The following EPDR1 variants were observed in gnomAD, a reference collection of about 807,000 sequenced individuals.
EPDR1 encodes the protein ependymin related 1, also known as mammalian ependymin-related protein 1.
A neutral mutation model predicts 23.7 loss-of-function variants in EPDR1; 27 were observed. The ratio of observed to expected loss-of-function variants is 1.14; its 90% CI spans 0.84 to 1.57. EPDR1 has a LOEUF of 1.57. EPDR1 is among the 40% of genes most tolerant of loss of function. The pLI is 0.00. For missense variants in EPDR1, 349 were observed against 290.4 expected (o/e 1.20, Z -1.47); for synonymous variants, 137 against 118.2 (o/e 1.16, Z -1.03).
chr7:37,929,386 C>A (rs998847400), intron 1 of EPDR1, among the ~76,000 whole-genome samples: 1 of 152,164 alleles, frequency 6.6e-6, no homozygotes, highest in African/African-American at 2.4e-5. Context: ...CTATGTGGGA[C>A]CTAAACGAAT....
At chr7:37,923,552 A>G (rs1236975985) in intron 1 of EPDR1, among the ~76,000 whole-genome samples, 1 of 152,172 alleles carries the variant, frequency 6.6e-6, no homozygotes, top group East Asian at 1.9e-4. Context: ...AGACTTGTAC[A>G]GTAGTGGCGC....
In EPDR1 at chr7:37,950,292, T is replaced by G. The variant is rs1166725906; in HGVS notation, c.571T>G (p.Phe191Val). 1.2e-6 allele frequency: 2 copies of G among 1,613,740 alleles called. No individual in the cohort carries two copies. Among genetic ancestry groups the G allele is most frequent in the African/African-American group, 2.7e-5 (2 of 74,866 alleles). Reference sequence around the variant, plus strand: ...CTACAGTGTGATATTGTCTACGCGGTTTTTTGACATCCAGCTGGGTATTAA... The same window carrying G: ...CTACAGTGTGATATTGTCTACGCGGGTTTTTGACATCCAGCTGGGTATTAA... ...INYSVILSTR[F>V]FDIQLGIKDP... Residue 191 changes from phenylalanine (F) to valine (V), a missense_variant, in exon 3 of 3, where the codon TTT becomes GTT. Coordinates refer to ENST00000199448, the MANE Select transcript of EPDR1 (RefSeq NM_017549.5).
intron 1 of EPDR1, 104 bp from the exon 2 acceptor site, chr7:37,948,736 C>A: frequency 2.4e-6 from 2 of 828,414 alleles, no homozygotes; most frequent in Non-Finnish European, 3.9e-6. Context: ...CTAGTAATTT[C>A]TTTCTATTTT....
At position 37,936,039 on chromosome 7, in the gene EPDR1, T is replaced by TATAC. The variant is rs57925993; in HGVS notation, c.270-12800_270-12799insTACA. On this transcript the variant is annotated intron_variant, in intron 1 of 2. Transcript: ENST00000199448. ...ATATATATATATATATATATATATA[T>TATAC]ACACAAGGGAAATGTGAATCTGTTA... 3.1e-4 allele frequency among the ~76,000 whole-genome samples: 25 copies of TATAC among 80,942 alleles called. 1 individual carries two copies. The highest frequency in any genetic ancestry group is 4.5e-4 in the Admixed American group (3 of 6,720). The allele number at this position is 80,942 out of a possible 152,430, so 53.1% of individuals were successfully genotyped here.
At chr7:37,939,409 A>G (rs1209958085) in intron 1 of EPDR1, among the ~76,000 whole-genome samples, 1 of 152,182 alleles carries the variant, frequency 6.6e-6, no homozygotes, top group Admixed American at 6.5e-5. Context: ...GACTTCTTTC[A>G]AGCAATGTCA....
chr7:37,926,251 T>C (rs1483087439), intron 1 of EPDR1, among the ~76,000 whole-genome samples: 1 of 152,188 alleles, frequency 6.6e-6, no homozygotes, highest in Admixed American at 6.5e-5. Flanking sequence ...GTTGCAATTA[T>C]AATACAAAGA....
At chr7:37,930,707 C>T (rs773078197) in intron 1 of EPDR1, among the ~76,000 whole-genome samples, 3 of 152,200 alleles carry the variant, frequency 2.0e-5, no homozygotes, top group Non-Finnish European at 4.4e-5. Flanking sequence ...GCTTGGGAAT[C>T]CACTTCTCGG....
chr7:37,946,869 A>G (rs1786287364), intron 1 of EPDR1, among the ~76,000 whole-genome samples: 1 of 152,146 alleles, frequency 6.6e-6, no homozygotes, highest in East Asian at 1.9e-4. Flanking sequence ...ATATTTTTGT[A>G]TAGCTGTGCA....
At chr7:37,928,793 A>G (rs186450855) in intron 1 of EPDR1, among the ~76,000 whole-genome samples, 433 of 151,902 alleles carry the variant, frequency 2.9e-3, no homozygotes, top group African/African-American at 9.8e-3. Flanking sequence ...TTATGTTCCT[A>G]CCTATACCCT....
At chr7:37,949,263 C>T (rs879372464) in intron 2 of EPDR1, among the ~76,000 whole-genome samples, 1 of 152,212 alleles carries the variant, frequency 6.6e-6, no homozygotes, top group Non-Finnish European at 1.5e-5. Context: ...CCACCTGCAC[C>T]TCTCTGCCAC....
intron 1 of EPDR1, among the ~76,000 whole-genome samples, chr7:37,933,219 G>T (rs541656898): frequency 9.2e-5 from 14 of 152,204 alleles, no homozygotes; most frequent in Non-Finnish European, 1.9e-4. Context: ...CAGATGGCCG[G>T]CATGCATTAC....
chr7:37,920,936 C>T lies in EPDR1; in HGVS notation c.-4C>T, dbSNP rs374731994. On this transcript the variant is annotated 5_prime_UTR_variant, in exon 1 of 3. Coordinates refer to ENST00000199448, the MANE Select transcript of EPDR1 (RefSeq NM_017549.5). The stretch of plus-strand genomic sequence containing the variant: ...TGCCCTCGGGCCGGGGAAGGCTGAC[C>T]GCGATGCCAGGACGCGCTCCCCTCC... 12 of 1,608,258 alleles carry T rather than the reference C, an allele frequency of 7.5e-6. 1 individual carries two copies. In the South Asian group the frequency reaches 1.2e-4, roughly 16 times the overall value.
chr7:37,945,612 G>A (rs754876877), intron 1 of EPDR1, among the ~76,000 whole-genome samples: 1 of 152,154 alleles, frequency 6.6e-6, no homozygotes, highest in Non-Finnish European at 1.5e-5. Flanking sequence ...ATGTGGTAGC[G>A]CAGTGCATTA....
At chr7:37,945,340 C>T (rs1786252425) in intron 1 of EPDR1, among the ~76,000 whole-genome samples, 1 of 152,192 alleles carries the variant, frequency 6.6e-6, no homozygotes, top group African/African-American at 2.4e-5. Context: ...TATTCATTCT[C>T]ATTTCTAAAG....
intron 1 of EPDR1, among the ~76,000 whole-genome samples, chr7:37,927,982 CA>C (rs1198358963): frequency 6.6e-6 from 1 of 152,084 alleles, no homozygotes; most frequent in East Asian, 1.9e-4. Flanking sequence ...TGGAAGCACA[CA>C]AAGTTTGATT....
At chr7:37,941,521 C>A (rs1038232277) in intron 1 of EPDR1, among the ~76,000 whole-genome samples, 1 of 152,160 alleles carries the variant, frequency 6.6e-6, no homozygotes, top group Non-Finnish European at 1.5e-5. Context: ...GAACTCAAAT[C>A]GAAAAGAGCC....
In EPDR1 at chr7:37,920,821, G is replaced by T; in HGVS notation, c.-119G>T. On this transcript the variant is annotated 5_prime_UTR_variant, in exon 1 of 3. Coordinates refer to ENST00000199448, the MANE Select transcript of EPDR1 (RefSeq NM_017549.5). ...CCACCGAAGGGACAGGAAGCACTTT[G>T]GTCCAGACCACACTCCCGGCACAGT... The T allele has an allele frequency of 6.2e-7, 1 of 1,610,486 alleles. No individual in the cohort carries two copies. The highest frequency in any genetic ancestry group is 8.5e-7 in the Non-Finnish European group (1 of 1,178,430).
intron 1 of EPDR1, among the ~76,000 whole-genome samples, chr7:37,937,694 G>A (rs1786081958): frequency 6.6e-6 from 1 of 152,148 alleles, no homozygotes; most frequent in Non-Finnish European, 1.5e-5. Flanking sequence ...TTTGATCTGT[G>A]CTGGAGATAC....
chr7:37,935,770 T>C (rs974750872), intron 1 of EPDR1, among the ~76,000 whole-genome samples: 5 of 151,406 alleles, frequency 3.3e-5, no homozygotes, highest in Non-Finnish European at 5.9e-5. Context: ...TCCAGTGTTT[T>C]TGTTGGGTAG....
Sources: gnomAD v4.1 joint callset for allele counts (sites outside exome capture counted in the v4.1 genomes callset) on GRCh38, gnomAD v4.1.1 for gene constraint, MANE v1.5 for transcripts, NCBI Gene and HGNC (gene_info 2026-07-23, HGNC 2026-07-21) for gene names.